CAMK2D: variants seen among roughly 807,000 people sequenced by gnomAD.
The protein encoded by CAMK2D is calcium/calmodulin-dependent protein kinase type II subunit delta.
In CAMK2D, 37 loss-of-function variants were observed where a neutral mutation model predicts 84.0. The observed-to-expected ratio is 0.44, with a 90% CI of 0.34 to 0.58. The LOEUF (loss-of-function observed/expected upper bound fraction) is 0.58, where lower values mean the gene tolerates loss of function less well. CAMK2D is among the 20% of genes least tolerant of loss of function. The pLI, the probability that CAMK2D is intolerant of heterozygous loss-of-function variation, is 0.02. For synonymous variants in CAMK2D, 202 were observed against 212.5 expected, an observed-to-expected ratio of 0.95 and a Z score of 0.43; for missense variants, 448 against 652.5, an observed-to-expected ratio of 0.69 and a Z score of 3.41.
intron 4 of CAMK2D, among the ~76,000 whole-genome samples, chr4:113,596,486 C>T (rs1044715583): frequency 4.6e-5 from 7 of 152,148 alleles, no homozygotes; most frequent in Non-Finnish European, 7.3e-5. Context: ...AGGCAGCTAT[C>T]GCCTTACAAA....
intron 2 of CAMK2D, among the ~76,000 whole-genome samples, chr4:113,666,847 C>A (rs1401519937): frequency 6.6e-6 from 1 of 152,044 alleles, no homozygotes; most frequent in Non-Finnish European, 1.5e-5. Context: ...TCAGCTTAAG[C>A]TGCTGAGCTG....
chr4:113,668,298 A>G (rs1322759097), intron 2 of CAMK2D, among the ~76,000 whole-genome samples: 2 of 152,176 alleles, frequency 1.3e-5, no homozygotes, highest in African/African-American at 4.8e-5. Flanking sequence ...CAAGCCAGAG[A>G]AATGGAAAGA....
chr4:113,499,981 C>T (rs1363047052), intron 16 of CAMK2D, among the ~76,000 whole-genome samples: 3 of 151,850 alleles, frequency 2.0e-5, no homozygotes, highest in Non-Finnish European at 4.4e-5. Context: ...TTGGAATGTA[C>T]ACAAAAAGCT....
intron 2 of CAMK2D, among the ~76,000 whole-genome samples, chr4:113,730,341 T>G (rs954696899): frequency 2.0e-5 from 3 of 152,210 alleles, no homozygotes; most frequent in Non-Finnish European, 4.4e-5. Flanking sequence ...TTCAAAATAA[T>G]ATGATGAATT....
intron 2 of CAMK2D, among the ~76,000 whole-genome samples, chr4:113,700,858 C>CT (rs1287874867): frequency 6.6e-6 from 1 of 152,198 alleles, no homozygotes; most frequent in Non-Finnish European, 1.5e-5. Context: ...GAAGGGTATC[C>CT]TTCCTACCCT....
chr4:113,461,492 C>T (rs1054736859), intron 17 of CAMK2D, among the ~76,000 whole-genome samples: 26 of 152,072 alleles, frequency 1.7e-4, no homozygotes, highest in African/African-American at 6.3e-4. Flanking sequence ...TGTGAAAATG[C>T]AGAGTATGCT....
At chr4:113,694,104 T>C (rs1170993953) in intron 2 of CAMK2D, among the ~76,000 whole-genome samples, 1 of 152,152 alleles carries the variant, frequency 6.6e-6, no homozygotes, top group African/African-American at 2.4e-5. Context: ...AACCAGTTTA[T>C]CTAGGGGTAG....
intron 18 of CAMK2D, among the ~76,000 whole-genome samples, chr4:113,458,759 A>T (rs150095045): frequency 6.6e-6 from 1 of 152,326 alleles, no homozygotes; most frequent in East Asian, 1.9e-4. Flanking sequence ...TTAATTCGAA[A>T]ATCCATGCCA....
intron 4 of CAMK2D, among the ~76,000 whole-genome samples, chr4:113,590,546 A>G (rs1170015007): frequency 1.3e-5 from 2 of 152,198 alleles, no homozygotes; most frequent in Admixed American, 6.5e-5. Context: ...CACGTCTATC[A>G]CTACACGAGA....
intron 2 of CAMK2D, among the ~76,000 whole-genome samples, chr4:113,721,817 C>A (rs975280264): frequency 6.6e-6 from 1 of 152,120 alleles, no homozygotes; most frequent in Non-Finnish European, 1.5e-5. Context: ...GGCCCTAAGA[C>A]GATATAAAGA....
chr4:113,564,995 T>G (rs2098715444), intron 4 of CAMK2D, among the ~76,000 whole-genome samples: 1 of 152,224 alleles, frequency 6.6e-6, no homozygotes, highest in Non-Finnish European at 1.5e-5. Context: ...CATACATGCT[T>G]GGCTATTACT....
intron 2 of CAMK2D, among the ~76,000 whole-genome samples, chr4:113,664,441 T>G (rs555479376): frequency 6.6e-6 from 1 of 152,272 alleles, no homozygotes; most frequent in African/African-American, 2.4e-5. Flanking sequence ...TCATCTGAAA[T>G]CTTGACTGAG....
chr4:113,577,942 G>A (rs2098791575), intron 4 of CAMK2D, among the ~76,000 whole-genome samples: 2 of 152,048 alleles, frequency 1.3e-5, no homozygotes, highest in Non-Finnish European at 2.9e-5. Flanking sequence ...CCACCACTAT[G>A]AGCCACATAT....
chr4:113,523,730 C>T (rs564470545), intron 8 of CAMK2D, among the ~76,000 whole-genome samples: 1 of 152,110 alleles, frequency 6.6e-6, no homozygotes, highest in Admixed American at 6.5e-5. Context: ...TAAGATGGTG[C>T]CACTGCACCC....
intron 2 of CAMK2D, among the ~76,000 whole-genome samples, chr4:113,742,082 T>C (rs2099594357): frequency 6.6e-6 from 1 of 152,212 alleles, no homozygotes; most frequent in African/African-American, 2.4e-5. Flanking sequence ...TCTCTCATCT[T>C]AACTCTCTTC....
At chr4:113,682,044 ACCCCTTCCTTTCTGGGG>A in intron 2 of CAMK2D, among the ~76,000 whole-genome samples, 1 of 152,084 alleles carries the variant, frequency 6.6e-6, no homozygotes, top group African/African-American at 2.4e-5. Flanking sequence ...ATCCTATTCT[ACCCCTTCCTTTCTGGGG>A]AAATTGCTAA....
intron 1 of CAMK2D, 88 bp from the exon 2 acceptor site, chr4:113,759,502 T>C (rs1273311637): frequency 4.0e-6 from 3 of 756,046 alleles, no homozygotes; most frequent in Non-Finnish European, 6.3e-6. Flanking sequence ...TTATTGATTT[T>C]AGTGGATTGC....
chr4:113,497,370 C>A (rs775739009), intron 16 of CAMK2D, among the ~76,000 whole-genome samples: 46 of 152,100 alleles, frequency 3.0e-4, no homozygotes, highest in African/African-American at 1.1e-3. Context: ...AGCCTAGACA[C>A]AATTCAAAAG....
intron 2 of CAMK2D, among the ~76,000 whole-genome samples, chr4:113,663,808 G>A (rs748670747): frequency 6.6e-6 from 1 of 151,708 alleles, no homozygotes; most frequent in African/African-American, 2.4e-5. Context: ...GTTCTACAGA[G>A]TTTTTGCTAT....
Sources: gnomAD v4.1 joint callset for allele counts (sites outside exome capture counted in the v4.1 genomes callset) on GRCh38, gnomAD v4.1.1 for gene constraint, MANE v1.5 for transcripts, NCBI Gene and HGNC (gene_info 2026-07-23, HGNC 2026-07-21) for gene names.